TP63: variants seen among roughly 807,000 people sequenced by gnomAD.
The protein encoded by TP63 is tumor protein 63.
In TP63, 17 loss-of-function variants were observed where a neutral mutation model predicts 82.8. The observed-to-expected ratio is 0.21, with a 90% CI of 0.14 to 0.31. TP63 has a LOEUF of 0.31. Among genes scored for constraint, TP63 ranks in the 10% least tolerant of loss-of-function variants. The probability of loss-of-function intolerance (pLI) is 1.00; values close to 1 mark genes in which losing one functional copy is unlikely to be tolerated. For synonymous variants in TP63, 330 were observed against 321.7 expected, an observed-to-expected ratio of 1.03 and a Z score of -0.28; for missense variants, 648 against 895.3, an observed-to-expected ratio of 0.72 and a Z score of 3.52.
Position 189,671,138 on chromosome 3 carries a change from A to T in TP63, c.62+39561A>T, listed in dbSNP as rs77331709. ...ATGTTTGGAAAGTATACATCCGATA[A>T]ATGATTAATATCCAGAATATACGAA... is the stretch of plus-strand genomic sequence containing the variant. On this transcript the variant is annotated intron_variant, in intron 1 of 13. Transcript: ENST00000264731. 1.5e-3 allele frequency among the ~76,000 whole-genome samples: 223 copies of T among 152,224 alleles called. 1 individual carries two copies. Among genetic ancestry groups the T allele is most frequent in the African/African-American group, 5.1e-3 (213 of 41,580 alleles).
chr3:189,816,350 T>G (rs1334462604), intron 4 of TP63, among the ~76,000 whole-genome samples: 2 of 152,214 alleles, frequency 1.3e-5, no homozygotes, highest in African/African-American at 4.8e-5. Flanking sequence ...GGATTGTCGC[T>G]CTTGGTACAT....
chr3:189,605,883 TA>T, the TP63 span, among the ~76,000 whole-genome samples: 1 of 152,190 alleles, frequency 6.6e-6, no homozygotes. Context: ...TTTACTTGGG[TA>T]AATTTGAGCT....
intron 1 of TP63, among the ~76,000 whole-genome samples, chr3:189,735,894 A>G (rs1271748884): frequency 6.6e-6 from 1 of 152,112 alleles, no homozygotes; most frequent in Non-Finnish European, 1.5e-5. Flanking sequence ...CTGAGGATTT[A>G]TGGGTCAGGT....
intron 3 of TP63, among the ~76,000 whole-genome samples, chr3:189,743,476 A>C (rs78864350): frequency 0.048 from 7,335 of 151,520 alleles, 339 homozygotes; most frequent in East Asian, 0.24. Context: ...AAAACTATTC[A>C]AATATAAATA....
chr3:189,804,619 A>G (rs1007488938), intron 3 of TP63, among the ~76,000 whole-genome samples: 10 of 152,352 alleles, frequency 6.6e-5, no homozygotes, highest in East Asian at 1.9e-4. Flanking sequence ...GGAATAAGTG[A>G]ATAAGAATAT....
Position 189,852,072 on chromosome 3 carries a change from G to A in TP63, c.580-12160G>A, listed in dbSNP as rs1715704621. ...TTCTTAGAAGAAATGGGAGTACTCA[G>A]TTAAGACTACATGAAGGCAGAGGGA... On this transcript the variant is annotated intron_variant, in intron 4 of 13. Transcript: ENST00000264731. Among the ~76,000 whole-genome samples the A allele has an allele frequency of 2.6e-5, 4 of 152,308 alleles. No homozygotes were observed. The South Asian group carries it at 8.3e-4, about 32-fold the overall frequency.
At chr3:189,600,198 ACC>A in the TP63 span, among the ~76,000 whole-genome samples, 1 of 152,174 alleles carries the variant, frequency 6.6e-6, no homozygotes, top group Non-Finnish European at 1.5e-5. Flanking sequence ...AATGCAAATA[ACC>A]TACTCATCAC....
chr3:189,836,018 A>G (rs1005207728), intron 4 of TP63, among the ~76,000 whole-genome samples: 1 of 151,584 alleles, frequency 6.6e-6, no homozygotes, highest in Non-Finnish European at 1.5e-5. Flanking sequence ...CTTCCTATCA[A>G]TGGGTCTATC....
At chr3:189,782,003 C>T (rs1724267551) in intron 3 of TP63, among the ~76,000 whole-genome samples, 1 of 152,106 alleles carries the variant, frequency 6.6e-6, no homozygotes, top group Non-Finnish European at 1.5e-5. Flanking sequence ...AGGTTGAAAA[C>T]CTGAGGCATG....
chr3:189,711,592 T>C (rs1331341748), intron 1 of TP63, among the ~76,000 whole-genome samples: 1 of 152,064 alleles, frequency 6.6e-6, no homozygotes, highest in Non-Finnish European at 1.5e-5. Flanking sequence ...AGGGGTTTAA[T>C]AGATAAATCT....
chr3:189,623,892 A>G, the TP63 span, among the ~76,000 whole-genome samples: 9 of 152,196 alleles, frequency 5.9e-5, no homozygotes, highest in Admixed American at 2.0e-4. Flanking sequence ...AGAGTGTGCT[A>G]TGTATAACAA....
intron 1 of TP63, among the ~76,000 whole-genome samples, chr3:189,696,158 G>C (rs1205948833): frequency 6.6e-6 from 1 of 152,018 alleles, no homozygotes; most frequent in Non-Finnish European, 1.5e-5. Flanking sequence ...ATACCATACA[G>C]AAGATTTTCA....
intron 3 of TP63, among the ~76,000 whole-genome samples, chr3:189,774,456 T>C (rs1009819848): frequency 5.3e-5 from 8 of 152,192 alleles, no homozygotes; most frequent in African/African-American, 9.6e-5. Context: ...AAGTCTCAGG[T>C]TGACATAATT....
chr3:189,623,959 A>G, the TP63 span, among the ~76,000 whole-genome samples: 1 of 152,192 alleles, frequency 6.6e-6, no homozygotes, highest in Admixed American at 6.5e-5. Flanking sequence ...GTCCTCTTAC[A>G]CTGGCTGTTT....
intron 1 of TP63, among the ~76,000 whole-genome samples, chr3:189,648,828 A>G (rs927533180): frequency 2.1e-5 from 3 of 141,976 alleles, no homozygotes; most frequent in Non-Finnish European, 3.0e-5. Flanking sequence ...CATTTCACAT[A>G]TAGTATTTGA....
intron 4 of TP63, among the ~76,000 whole-genome samples, chr3:189,817,048 G>T (rs1728264486): frequency 6.6e-6 from 1 of 151,534 alleles, no homozygotes; most frequent in Non-Finnish European, 1.5e-5. Context: ...TATTGTATCA[G>T]AAAGGCCTGA....
intron 10 of TP63, among the ~76,000 whole-genome samples, chr3:189,885,018 A>G (rs1330061139): frequency 6.6e-6 from 1 of 152,220 alleles, no homozygotes; most frequent in African/African-American, 2.4e-5. Flanking sequence ...GGGTCCATTT[A>G]CAGAGCCTCC....
At chr3:189,676,235 A>G (rs1221112833) in intron 1 of TP63, among the ~76,000 whole-genome samples, 1 of 152,118 alleles carries the variant, frequency 6.6e-6, no homozygotes, top group African/African-American at 2.4e-5. Context: ...AACTATACTC[A>G]TTATGCTGTA....
chr3:189,660,267 G>C (rs1404715055), intron 1 of TP63, among the ~76,000 whole-genome samples: 1 of 151,942 alleles, frequency 6.6e-6, no homozygotes, highest in Non-Finnish European at 1.5e-5. Context: ...CTGCATATTG[G>C]TTAGCCAGCT....
Sources: allele counts gnomAD v4.1 joint callset (sites outside exome capture counted in the v4.1 genomes callset), GRCh38; gene constraint gnomAD v4.1.1; transcripts MANE v1.5; gene names NCBI Gene and HGNC (gene_info 2026-07-23, HGNC 2026-07-21).